Variants in CCDC39 observed in about 807,000 individuals in gnomAD.
The protein encoded by CCDC39 is coiled-coil domain-containing protein 39.
CCDC39 carries 113 observed loss-of-function variants against 121.0 expected under a neutral mutation model. The observed-to-expected ratio is 0.93, with a 90% CI of 0.80 to 1.09. CCDC39 has a LOEUF of 1.09. CCDC39 is among the 50% of genes least tolerant of loss of function. CCDC39 has a pLI of 0.00. For missense variants in CCDC39, 1,063 were observed against 1,074.7 expected, an observed-to-expected ratio of 0.99 and a Z score of 0.15; for synonymous variants, 349 against 352.2, an observed-to-expected ratio of 0.99 and a Z score of 0.10.
chr3:180,651,068 A>ACGTG (rs1295846713), intron 9 of CCDC39, among the ~76,000 whole-genome samples: 5 of 150,680 alleles, frequency 3.3e-5, no homozygotes. Flanking sequence ...GGTTGCAGGC[A>ACGTG]CCTGTAATCC....
chr3:180,658,243 A>G (rs1410868513), intron 6 of CCDC39, among the ~76,000 whole-genome samples: 1 of 151,000 alleles, frequency 6.6e-6, no homozygotes. Context: ...CAGTTTCAAA[A>G]AAAAAAGGTA....
intron 1 of CCDC39, 99 bp from the exon 2 acceptor site, chr3:180,664,085 T>G (rs546204136): frequency 1.8e-6 from 2 of 1,102,596 alleles, no homozygotes; most frequent in African/African-American, 1.6e-5. Flanking sequence ...TTACATTGTC[T>G]TAGTCAATTT....
chr3:180,671,010 A>G (rs1341320108), intron 1 of CCDC39, among the ~76,000 whole-genome samples: 1 of 152,004 alleles, frequency 6.6e-6, no homozygotes, highest in Non-Finnish European at 1.5e-5. Context: ...CCAGGAGTTC[A>G]AGACCAGCCT....
At chr3:180,627,072 A>C (rs1159161043) in intron 14 of CCDC39, among the ~76,000 whole-genome samples, 1 of 152,230 alleles carries the variant, frequency 6.6e-6, no homozygotes. Context: ...CAGGTGATTT[A>C]CATGGGTAGG....
At chr3:180,623,466 G>C (rs1049745467) in intron 14 of CCDC39, among the ~76,000 whole-genome samples, 18 of 151,668 alleles carry the variant, frequency 1.2e-4, no homozygotes, top group African/African-American at 3.4e-4. Flanking sequence ...CTTCTGATCT[G>C]TTATTGCTTT....
chr3:180,629,288 A>G (rs772053707), intron 14 of CCDC39, among the ~76,000 whole-genome samples: 4 of 152,244 alleles, frequency 2.6e-5, no homozygotes, highest in Non-Finnish European at 4.4e-5. Context: ...ATTTTAGTGT[A>G]ATAAACTTCA....
At chr3:180,642,284 A>G (rs2108418941) in intron 12 of CCDC39, 83 bp from the exon 13 acceptor site, 1 of 706,156 alleles carries the variant, frequency 1.4e-6, no homozygotes, top group Non-Finnish European at 2.2e-6. Context: ...TATAAGTAAA[A>G]CTTGAAAATA....
chr3:180,616,605 G>GT lies in CCDC39; in HGVS notation c.2496dup (p.Gln833ThrfsTer7). 6.3e-7 allele frequency: 1 copy of GT among 1,598,582 alleles called. No homozygotes were observed. The highest frequency in any genetic ancestry group is 8.5e-7 in the Non-Finnish European group (1 of 1,172,014). ...ATTTCATCAATAACTTTGTGAAACT[G>GT]TTTCATTTCACGAAGTTTGATGTCT... On this transcript the variant is annotated frameshift_variant, in exon 18 of 20. Coordinates refer to ENST00000476379, the MANE Select transcript of CCDC39 (RefSeq NM_181426.2). LOFTEE classifies it high-confidence loss of function.
intron 14 of CCDC39, among the ~76,000 whole-genome samples, chr3:180,622,564 C>A (rs903152217): frequency 6.6e-6 from 1 of 151,872 alleles, no homozygotes; most frequent in Non-Finnish European, 1.5e-5. Flanking sequence ...TAGATGGCAT[C>A]TATTATTTTG....
At chr3:180,642,722 G>A (rs909327669) in intron 12 of CCDC39, among the ~76,000 whole-genome samples, 3 of 151,960 alleles carry the variant, frequency 2.0e-5, no homozygotes, top group South Asian at 2.1e-4. Context: ...TACATCTCAC[G>A]TGCACCAAAA....
intron 1 of CCDC39, among the ~76,000 whole-genome samples, chr3:180,665,119 C>G (rs762037800): frequency 2.6e-5 from 4 of 152,118 alleles, no homozygotes; most frequent in Non-Finnish European, 4.4e-5. Flanking sequence ...ATTTCTTCTC[C>G]AAGAACTCCT....
At chr3:180,624,154 C>A (rs1188117680) in intron 14 of CCDC39, among the ~76,000 whole-genome samples, 2 of 152,026 alleles carry the variant, frequency 1.3e-5, no homozygotes, top group Admixed American at 1.3e-4. Context: ...CAGAAGTAAT[C>A]CCTTTATCAT....
Position 180,635,347 on chromosome 3 carries a change from C to T in CCDC39, c.1875-3755G>A, listed in dbSNP as rs111348521. Among the ~76,000 whole-genome samples the T allele has an allele frequency of 6.1e-3, 917 of 151,530 alleles. 15 individuals are homozygous for T. Among genetic ancestry groups the T allele is most frequent in the African/African-American group, 0.02 (829 of 40,906 alleles). ...AATCTCATGTCCTCACATTTCAAAA[C>T]CAATCATACTTTCCCAATAATCCCC... On this transcript the variant is annotated intron_variant, in intron 13 of 19. Transcript: ENST00000476379.
intron 14 of CCDC39, among the ~76,000 whole-genome samples, chr3:180,624,140 C>T (rs918654964): frequency 2.0e-5 from 3 of 152,144 alleles, no homozygotes; most frequent in Admixed American, 6.5e-5. Context: ...GTTATATCCT[C>T]TTGCAGAAGT....
At chr3:180,667,437 T>C (rs1711910772) in intron 1 of CCDC39, among the ~76,000 whole-genome samples, 2 of 152,206 alleles carry the variant, frequency 1.3e-5, no homozygotes, top group African/African-American at 2.4e-5. Flanking sequence ...CATGTGCTTA[T>C]TTTGTGTCTC....
intron 1 of CCDC39, among the ~76,000 whole-genome samples, chr3:180,674,278 T>G (rs1409267712): frequency 6.6e-6 from 1 of 152,158 alleles, no homozygotes; most frequent in Non-Finnish European, 1.5e-5. Context: ...GGCTCTCTGT[T>G]TGTCTGTTAT....
intron 1 of CCDC39, among the ~76,000 whole-genome samples, chr3:180,678,798 T>A (rs1244415234): frequency 1.3e-5 from 2 of 152,220 alleles, no homozygotes; most frequent in Non-Finnish European, 2.9e-5. Context: ...CTTACCGGGC[T>A]GTTCCTCTTG....
At chr3:180,654,311 A>G (rs1711534117) in intron 7 of CCDC39, among the ~76,000 whole-genome samples, 1 of 151,482 alleles carries the variant, frequency 6.6e-6, no homozygotes. Context: ...TTAAAGACTT[A>G]AATATAAGAC....
rs1024595355 is a variant in CCDC39 at position 180,651,941 on chromosome 3, G to C, written c.1034+222C>G. 3.3e-5 allele frequency among the ~76,000 whole-genome samples: 5 copies of C among 152,114 alleles called. No homozygotes were observed. In the South Asian group the frequency reaches 6.2e-4, roughly 19 times the overall value. On this transcript the variant is annotated intron_variant, in intron 8 of 19. Transcript: ENST00000476379. Reference sequence around the variant, plus strand: ...AGTCCCAGCTACTCAGGAGACTGAGGCAGGAAAATGGTGTGAACCCAGGAG... The same window carrying C: ...AGTCCCAGCTACTCAGGAGACTGAGCCAGGAAAATGGTGTGAACCCAGGAG...
Sources: allele counts gnomAD v4.1 joint callset (sites outside exome capture counted in the v4.1 genomes callset), GRCh38; gene constraint gnomAD v4.1.1; transcripts MANE v1.5; gene names NCBI Gene and HGNC (gene_info 2026-07-23, HGNC 2026-07-21).